Variants in GPM6B observed in about 807,000 individuals in gnomAD.
GPM6B encodes neuronal membrane glycoprotein M6-b.
In GPM6B, 4 loss-of-function variants were observed where a neutral mutation model predicts 27.2. The ratio of observed to expected loss-of-function variants is 0.15; its 90% CI spans 0.07 to 0.34. The LOEUF (loss-of-function observed/expected upper bound fraction) is 0.34, where lower values mean the gene tolerates loss of function less well. Ranked by LOEUF, GPM6B falls within the 10% of genes least tolerant of loss-of-function variation. The probability of loss-of-function intolerance (pLI) is 1.00; values close to 1 mark genes in which losing one functional copy is unlikely to be tolerated. For synonymous variants in GPM6B, 124 were observed against 103.1 expected (o/e 1.20, Z -1.23); for missense variants, 183 against 261.9 (o/e 0.70, Z 2.08).
chrX:13,815,404 C>T (rs1312169712), intron 1 of GPM6B, among the ~76,000 whole-genome samples: 1 of 110,991 alleles, frequency 9.0e-6, no homozygotes, highest in East Asian at 2.8e-4. Context: ...ACTTCTTCAT[C>T]TTGATAAATA....
At chrX:13,802,325 C>G (rs182052183) in intron 2 of GPM6B, among the ~76,000 whole-genome samples, 1 of 110,903 alleles carries the variant, frequency 9.0e-6, no homozygotes, top group East Asian at 2.8e-4. Context: ...ACTCATCGAT[C>G]TGCTTTTTAT....
At chrX:13,778,714 A>G (rs1383777091) in intron 5 of GPM6B, among the ~76,000 whole-genome samples, 5 of 112,189 alleles carry the variant, frequency 4.5e-5, no homozygotes, top group African/African-American at 1.6e-4. Context: ...CTGATTACCA[A>G]AAATTTGTGG....
chrX:13,871,945 G>A lies in GPM6B; in HGVS notation c.-198+66382C>T, dbSNP rs1167492266. On this transcript the variant is annotated intron_variant, in intron 1 of 6. Coordinates refer to the GPM6B transcript ENST00000398361. ...GGGTCCAGCTGTTCTTCCAGGTGTG[G>A]TGGTCTTCCTTCAGCCTTGGAGAAC... Among the ~76,000 whole-genome samples, 12 of 111,672 alleles carry A rather than the reference G, an allele frequency of 1.1e-4. No individual in the cohort carries two copies. The Admixed American group carries it at 1.1e-3, about 11-fold the overall frequency.
At chrX:13,804,661 C>A (rs1180567743) in intron 2 of GPM6B, among the ~76,000 whole-genome samples, 1 of 110,674 alleles carries the variant, frequency 9.0e-6, no homozygotes, top group Non-Finnish European at 1.9e-5. Context: ...TAAGGAAGTT[C>A]CTGGAGAAGG....
chrX:13,799,152 C>T lies in GPM6B; in HGVS notation c.181+8498G>A, dbSNP rs982228784. On this transcript the variant is annotated intron_variant, in intron 2 of 7. Coordinates refer to ENST00000316715, the MANE Select transcript of GPM6B (RefSeq NM_001001995.3). ...CATCCCACAAAGTTAACCCTATTTA[C>T]ATGCAGATGATTCTAGAAACCTCGA... Among the ~76,000 whole-genome samples the T allele has an allele frequency of 1.8e-3, 187 of 102,721 alleles. 1 individual carries two copies. The highest frequency in any genetic ancestry group is 6.0e-3 in the African/African-American group (168 of 27,990). The allele number at this position is 102,721 out of a possible 115,157, so 89.2% of individuals were successfully genotyped here. A position where few individuals can be genotyped will look rare whatever the true frequency, so the allele number is the denominator to read the frequency against.
chrX:13,816,781 A>C, intron 1 of GPM6B, 63 bp downstream of exon 1: 1 of 1,138,906 alleles, frequency 8.8e-7, no homozygotes, highest in Non-Finnish European at 1.2e-6. Context: ...AAACCCAGCT[A>C]ACCCTTTTTA....
At chrX:13,920,782 T>C (rs7884821) in intron 1 of GPM6B, among the ~76,000 whole-genome samples, 2,019 of 109,179 alleles carry the variant, frequency 0.018, 53 homozygotes, top group African/African-American at 0.064. Context: ...TCCCAGCTAC[T>C]CGGGAGGCTG....
At chrX:13,876,831 C>T (rs965182657) in intron 1 of GPM6B, among the ~76,000 whole-genome samples, 6 of 110,271 alleles carry the variant, frequency 5.4e-5, no homozygotes, top group Admixed American at 1.9e-4. Flanking sequence ...TGTCTGGCAA[C>T]GTCTGAGGTG....
In GPM6B at chrX:13,771,091, C is replaced by CTGAT. The variant is rs1261244009; in HGVS notation, c.*1786_*1789dup. The stretch of plus-strand genomic sequence containing the variant: ...ATAGAACTACAGGAAGCCCTTGGCA[C>CTGAT]TGATAGAAAATATTGATTCACTGTT... On this transcript the variant is annotated 3_prime_UTR_variant, in exon 8 of 8. Transcript: ENST00000316715. 2.7e-5 allele frequency: 3 copies of CTGAT among 112,226 alleles called. No homozygotes were observed. Among genetic ancestry groups the CTGAT allele is most frequent in the African/African-American group, 9.7e-5 (3 of 30,817 alleles). The allele number at this position is 112,226 out of a possible 1,213,427, so 9.2% of individuals were successfully genotyped here. A position where few individuals can be genotyped will look rare whatever the true frequency, so the allele number is the denominator to read the frequency against.
chrX:13,832,457 T>C (rs1184044334), intron 1 of GPM6B, among the ~76,000 whole-genome samples: 1 of 111,911 alleles, frequency 8.9e-6, no homozygotes, highest in East Asian at 2.8e-4. Flanking sequence ...ACCCAGGACT[T>C]ATAGATATGT....
In GPM6B at chrX:13,771,944, G is replaced by A. The variant is rs2048306509; in HGVS notation, c.*937C>T. On this transcript the variant is annotated 3_prime_UTR_variant, in exon 8 of 8. Transcript: ENST00000316715. ...CAATTAGGTTTTAGATAGTTGGTAT[G>A]AAACTGTAAACTTCGTATCCAGACC... 8.9e-6 allele frequency: 1 copy of A among 112,529 alleles called. No homozygotes were observed. The highest frequency in any genetic ancestry group is 2.8e-4 in the East Asian group (1 of 3,629). 9.3% of individuals were successfully genotyped at this position (112,529 alleles called of 1,213,427 possible). A position where few individuals can be genotyped will look rare whatever the true frequency, so the allele number is the denominator to read the frequency against.
At chrX:13,883,985 G>A (rs770030220) in intron 1 of GPM6B, among the ~76,000 whole-genome samples, 2 of 111,870 alleles carry the variant, frequency 1.8e-5, no homozygotes, top group African/African-American at 3.2e-5. Context: ...AGACCAGCAT[G>A]GCCAACATGG....
At chrX:13,823,928 G>C (rs2147208211) in intron 1 of GPM6B, among the ~76,000 whole-genome samples, 1 of 112,639 alleles carries the variant, frequency 8.9e-6, no homozygotes, top group Admixed American at 9.3e-5. Flanking sequence ...AACATACTGG[G>C]CTGCCAAATG....
At chrX:13,780,340 T>C (rs980274985) in intron 4 of GPM6B, among the ~76,000 whole-genome samples, 13 of 112,055 alleles carry the variant, frequency 1.2e-4, no homozygotes, top group Non-Finnish European at 2.3e-4. Context: ...TCTTTCTAAA[T>C]AGCCGTTCTG....
upstream of GPM6B, chrX:13,817,127 C>T (rs1278010369): frequency 1.0e-6 from 1 of 958,601 alleles, no homozygotes; most frequent in Non-Finnish European, 1.3e-6. Flanking sequence ...TGCCAAGGGG[C>T]AGGCAGCCAT....
chrX:13,831,227 A>ACAC (rs1207294856), intron 1 of GPM6B, among the ~76,000 whole-genome samples: 4 of 86,628 alleles, frequency 4.6e-5, no homozygotes, highest in African/African-American at 2.0e-4. Flanking sequence ...CACACACACA[A>ACAC]ATGGCTTGGG....
At chrX:13,797,229 G>C (rs760063309) in intron 2 of GPM6B, among the ~76,000 whole-genome samples, 12 of 111,565 alleles carry the variant, frequency 1.1e-4, no homozygotes, top group African/African-American at 3.6e-4. Flanking sequence ...TCCTGGCTTT[G>C]ATCCTTGTGG....
intron 1 of GPM6B, among the ~76,000 whole-genome samples, chrX:13,854,196 A>G (rs1569261697): frequency 9.0e-6 from 1 of 111,446 alleles, no homozygotes; most frequent in Non-Finnish European, 1.9e-5. Flanking sequence ...CAACTGTGGC[A>G]CTCCAGGCAC....
chrX:13,854,021 G>A (rs2049752343), intron 1 of GPM6B, among the ~76,000 whole-genome samples: 1 of 111,768 alleles, frequency 8.9e-6, no homozygotes, highest in African/African-American at 3.3e-5. Context: ...ACCCTTTTCT[G>A]TACAACCTCA....
Sources: gnomAD v4.1 joint callset for allele counts (sites outside exome capture counted in the v4.1 genomes callset) on GRCh38, gnomAD v4.1.1 for gene constraint, MANE v1.5 for transcripts, NCBI Gene and HGNC (gene_info 2026-07-23, HGNC 2026-07-21) for gene names.